DTNBP1: variants seen among roughly 807,000 people sequenced by gnomAD.
The protein encoded by DTNBP1 is dystrobrevin binding protein 1.
DTNBP1 carries 35 observed loss-of-function variants against 42.8 expected under a neutral mutation model. That is an observed-to-expected ratio of 0.82 (90% CI 0.63 to 1.09). The LOEUF (loss-of-function observed/expected upper bound fraction) is 1.09, where lower values mean the gene tolerates loss of function less well. Among genes scored for constraint, DTNBP1 ranks in the 50% least tolerant of loss-of-function variants. The probability of loss-of-function intolerance (pLI) is 0.00; values close to 1 mark genes in which losing one functional copy is unlikely to be tolerated. For missense variants in DTNBP1, 457 were observed against 424.2 expected, an observed-to-expected ratio of 1.08 and a Z score of -0.68; for synonymous variants, 171 against 162.2, an observed-to-expected ratio of 1.05 and a Z score of -0.41.
At chr6:15,647,927 C>T (rs1760775674) in intron 3 of DTNBP1, among the ~76,000 whole-genome samples, 1 of 151,812 alleles carries the variant, frequency 6.6e-6, no homozygotes, top group South Asian at 2.1e-4. Flanking sequence ...CCAGCATTAC[C>T]CTGATACCAA....
At chr6:15,581,424 C>T (rs1054284428) in intron 7 of DTNBP1, among the ~76,000 whole-genome samples, 6 of 151,342 alleles carry the variant, frequency 4.0e-5, no homozygotes, top group African/African-American at 7.3e-5. Context: ...GTGATCCACC[C>T]GCCTGGGCCT....
chr6:15,523,238 A>G lies in DTNBP1; in HGVS notation c.812-19T>C. On this transcript the variant is annotated intron_variant, in intron 9 of 9. Transcript: ENST00000344537. ...TCAGGCCCTGCAAAATAACGTAGGG[A>G]AGAAAAAGCCCTGTCATAAAAATAT... 1 of 1,613,784 alleles carries G rather than the reference A, an allele frequency of 6.2e-7. No individual in the cohort carries two copies. The highest frequency in any genetic ancestry group is 8.5e-7 in the Non-Finnish European group (1 of 1,179,906).
chr6:15,657,735 C>T lies in DTNBP1; in HGVS notation c.56+5079G>A, dbSNP rs145705728. Reference sequence around the variant, plus strand: ...TTTGTTCTCTGCTATATCCCCAGTACCTAAAATAGTGCCTGCCACATAGTA... The same window carrying T: ...TTTGTTCTCTGCTATATCCCCAGTATCTAAAATAGTGCCTGCCACATAGTA... On this transcript the variant is annotated intron_variant, in intron 1 of 9. Transcript: ENST00000344537. Among the ~76,000 whole-genome samples, 630 of 152,292 alleles carry T rather than the reference C, an allele frequency of 4.1e-3. 8 individuals carry two copies. The highest frequency in any genetic ancestry group is 0.033 in the East Asian group (171 of 5,188).
At chr6:15,622,191 T>A (rs538473723) in intron 5 of DTNBP1, among the ~76,000 whole-genome samples, 1 of 152,314 alleles carries the variant, frequency 6.6e-6, no homozygotes, top group East Asian at 1.9e-4. Context: ...ATGCCAAATT[T>A]TGTAAAAGAA....
At chr6:15,585,693 A>G in intron 7 of DTNBP1, 1 of 1,534,480 alleles carries the variant, frequency 6.5e-7, no homozygotes, top group Non-Finnish European at 8.7e-7. Flanking sequence ...CAGCAAAGGA[A>G]AAACAGAAAA....
chr6:15,578,062 G>A (rs1775658254), intron 7 of DTNBP1, among the ~76,000 whole-genome samples: 2 of 152,234 alleles, frequency 1.3e-5, no homozygotes, highest in Admixed American at 1.3e-4. Flanking sequence ...CACTGATGGT[G>A]CAGAAGAGAG....
rs1774295450 is a variant in DTNBP1 at position 15,552,952 on chromosome 6, G to A, written c.512-19557C>T. 2.0e-5 allele frequency among the ~76,000 whole-genome samples: 3 copies of A among 152,050 alleles called. No homozygotes were observed. In the South Asian group the frequency reaches 6.2e-4, roughly 32 times the overall value. Reference sequence around the variant, plus strand: ...TTAATTAAAAAAATAAGAGTAAGAGGGTATAAGATTCAGGAAATACCCCCT... The same window carrying A: ...TTAATTAAAAAAATAAGAGTAAGAGAGTATAAGATTCAGGAAATACCCCCT... On this transcript the variant is annotated intron_variant, in intron 7 of 9. Coordinates refer to ENST00000344537, the MANE Select transcript of DTNBP1 (RefSeq NM_032122.5).
intron 1 of DTNBP1, among the ~76,000 whole-genome samples, chr6:15,659,715 G>A (rs185703480): frequency 6.6e-6 from 1 of 152,144 alleles, no homozygotes; most frequent in Admixed American, 6.5e-5. Flanking sequence ...ACCATGGCCA[G>A]CTAATTTTTG....
At chr6:15,556,655 T>C (rs1774540431) in intron 7 of DTNBP1, among the ~76,000 whole-genome samples, 1 of 152,192 alleles carries the variant, frequency 6.6e-6, no homozygotes, top group South Asian at 2.1e-4. Flanking sequence ...AGCAGCCACC[T>C]GAACTTTTGA....
In DTNBP1 at chr6:15,568,599, C is replaced by T. The variant is rs531825952; in HGVS notation, c.511+24460G>A. 3.6e-4 allele frequency among the ~76,000 whole-genome samples: 55 copies of T among 152,224 alleles called. 1 individual carries two copies. Among genetic ancestry groups the T allele is most frequent in the South Asian group, 4.2e-4 (2 of 4,806 alleles). On this transcript the variant is annotated intron_variant, in intron 7 of 9. Coordinates refer to ENST00000344537, the MANE Select transcript of DTNBP1 (RefSeq NM_032122.5). ...GTTATACCAAGTGTGCCTGCCTCTC[C>T]TTCCACCTCCTCTACCTTTGCCACC...
intron 7 of DTNBP1, among the ~76,000 whole-genome samples, chr6:15,584,297 T>C (rs1775963719): frequency 6.6e-6 from 1 of 152,122 alleles, no homozygotes; most frequent in South Asian, 2.1e-4. Context: ...AGATTATACC[T>C]ATATGCAGAT....
At chr6:15,524,700 G>C (rs199601642) in intron 8 of DTNBP1, 31 bp from the exon 9 acceptor site, 4 of 1,608,422 alleles carry the variant, frequency 2.5e-6, no homozygotes, top group Middle Eastern at 1.7e-4. Flanking sequence ...GAAAGGACAC[G>C]CTGTCTTTAA....
intron 5 of DTNBP1, among the ~76,000 whole-genome samples, chr6:15,626,084 CACTGCCTCATCACCTCATCCT>C (rs1373472306): frequency 6.6e-6 from 1 of 152,194 alleles, no homozygotes; most frequent in Non-Finnish European, 1.5e-5. Context: ...GCTCCCATCC[CACTGCCTCATCACCTCATCCT>C]ACTGCCTCAT....
intron 7 of DTNBP1, among the ~76,000 whole-genome samples, chr6:15,581,680 G>C (rs1478032615): frequency 6.7e-6 from 1 of 150,318 alleles, no homozygotes. Flanking sequence ...GTTTCACCAT[G>C]TTGGCCAGGC....
At chr6:15,586,287 T>C (rs1367781321) in intron 7 of DTNBP1, among the ~76,000 whole-genome samples, 3 of 152,188 alleles carry the variant, frequency 2.0e-5, no homozygotes, top group Non-Finnish European at 4.4e-5. Flanking sequence ...TCAGCAACAC[T>C]AACCAGTGGC....
At chr6:15,620,720 C>CT (rs1232131214) in intron 5 of DTNBP1, among the ~76,000 whole-genome samples, 3 of 152,152 alleles carry the variant, frequency 2.0e-5, no homozygotes, top group African/African-American at 7.2e-5. Context: ...CCATTTAACT[C>CT]TAAGCTACTT....
intron 7 of DTNBP1, among the ~76,000 whole-genome samples, chr6:15,574,607 T>C (rs1464754299): frequency 1.3e-5 from 2 of 152,216 alleles, no homozygotes; most frequent in Non-Finnish European, 2.9e-5. Context: ...CACTCTCCAG[T>C]GTGCACAGAA....
chr6:15,636,482 T>G (rs1760031012), intron 4 of DTNBP1, among the ~76,000 whole-genome samples: 1 of 152,172 alleles, frequency 6.6e-6, no homozygotes, highest in African/African-American at 2.4e-5. Flanking sequence ...AGAGGTTCTT[T>G]GATCAGGCAG....
chr6:15,548,938 A>T (rs1357057837), intron 7 of DTNBP1, among the ~76,000 whole-genome samples: 2 of 152,174 alleles, frequency 1.3e-5, no homozygotes, highest in African/African-American at 4.8e-5. Flanking sequence ...ATTAATTATT[A>T]AAAATGTATA....
Sources: gnomAD v4.1 joint callset for allele counts (sites outside exome capture counted in the v4.1 genomes callset) on GRCh38, gnomAD v4.1.1 for gene constraint, MANE v1.5 for transcripts, NCBI Gene and HGNC (gene_info 2026-07-23, HGNC 2026-07-21) for gene names.